The following LRRC40 variants were observed in gnomAD, a reference collection of about 807,000 sequenced individuals.
The protein encoded by LRRC40 is leucine-rich repeat-containing protein 40.
LRRC40 carries 76 observed loss-of-function variants against 72.8 expected under a neutral mutation model. The ratio of observed to expected loss-of-function variants is 1.04; its 90% confidence interval spans 0.87 to 1.26. The LOEUF (loss-of-function observed/expected upper bound fraction) is 1.26. LRRC40 is among the 50% of genes most tolerant of loss of function. LRRC40 has a pLI of 0.00. For synonymous variants in LRRC40, 243 were observed against 254.2 expected, an observed-to-expected ratio of 0.96 and a Z score of 0.42; for missense variants, 684 against 698.9, an observed-to-expected ratio of 0.98 and a Z score of 0.24.
intron 7 of LRRC40, 113 bp downstream of exon 7, chr1:70,175,697 T>C: frequency 2.8e-6 from 2 of 712,078 alleles, no homozygotes; most frequent in South Asian, 2.1e-5. Flanking sequence ...AATCAATATT[T>C]AGTGAATTCA....
intron 1 of LRRC40, among the ~76,000 whole-genome samples, chr1:70,191,979 A>C (rs1403947977): frequency 6.6e-6 from 1 of 152,106 alleles, no homozygotes; most frequent in African/African-American, 2.4e-5. Flanking sequence ...ATGAATTTTA[A>C]AATAGTTTTT....
rs183324511 is a variant in LRRC40, at chr1:70,148,591, C to A, written c.1599G>T (p.Val533=). 6.2e-7 allele frequency: 1 copy of A among 1,613,138 alleles called. No homozygotes were observed. The highest frequency in any genetic ancestry group is 2.2e-5 in the East Asian group (1 of 44,798). ...CCATCATCTTCATTTTCTGAGGGTC[C>A]ACAGATCCAACCTGATTATTACTAA... ...ILISNNQVGS[V]DPQKMKMMEN... is the part of the protein sequence containing the mutation. The change falls in exon 14 of 15, where the codon GTG becomes GTT. Residue 533 remains valine, a synonymous_variant. Coordinates refer to ENST00000370952, the MANE Select transcript of LRRC40 (RefSeq NM_017768.5).
intron 10 of LRRC40, among the ~76,000 whole-genome samples, chr1:70,156,165 T>C (rs1207624382): frequency 2.0e-5 from 3 of 152,144 alleles, no homozygotes; most frequent in African/African-American, 7.2e-5. Context: ...TGTTGCCCCA[T>C]CTTAAAAATC....
At chr1:70,160,017 C>T (rs540132671) in intron 9 of LRRC40, among the ~76,000 whole-genome samples, 4 of 152,196 alleles carry the variant, frequency 2.6e-5, no homozygotes, top group South Asian at 2.1e-4. Context: ...CACACATTCA[C>T]GCACCATCAA....
chr1:70,203,416 C>T (rs1668792133), intron 1 of LRRC40, among the ~76,000 whole-genome samples: 1 of 152,060 alleles, frequency 6.6e-6, no homozygotes, highest in South Asian at 2.1e-4. Context: ...TGTTTATGGA[C>T]AGGGTCTCAC....
rs931639366 is a variant in LRRC40 at position 70,190,516 on chromosome 1, T to TA, written c.152-1244dup. Among the ~76,000 whole-genome samples, 832 of 143,346 alleles carry TA rather than the reference T, an allele frequency of 5.8e-3. 9 individuals are homozygous for TA. Among genetic ancestry groups the TA allele is most frequent in the African/African-American group, 0.02 (771 of 38,912 alleles). 94.0% of individuals were successfully genotyped at this position (143,346 alleles called of 152,430 possible). On this transcript the variant is annotated intron_variant, in intron 1 of 14. Coordinates refer to ENST00000370952, the MANE Select transcript of LRRC40 (RefSeq NM_017768.5). The stretch of plus-strand genomic sequence containing the variant: ...GGCATCAAAGAAAAACCATATCTCT[T>TA]AAAAAAAAAAATCAGCTGGTGTGAT...
chr1:70,205,430 C>A lies in LRRC40; in HGVS notation c.111G>T (p.Lys37Asn). 1 of 1,603,566 alleles carries A rather than the reference C, an allele frequency of 6.2e-7. No individual in the cohort carries two copies. The highest frequency in any genetic ancestry group is 8.5e-7 in the Non-Finnish European group (1 of 1,171,806). Residue 37 changes from lysine to asparagine, a missense_variant, in exon 1 of 15, where the codon AAG (lysine) becomes AAT (asparagine). Physicochemically the swap from Lys to Asn is moderately conservative, Grantham distance 94. Transcript: ENST00000370952. Reference sequence around the variant, plus strand: ...TACCCGACAGGTTTAACTGGCCGCTCTTCCTCGCTGCCTTCAACAGCCCTT... The same window carrying A: ...TACCCGACAGGTTTAACTGGCCGCTATTCCTCGCTGCCTTCAACAGCCCTT... ...VPQGLLKAAR[K>N]SGQLNLSGRN...
Position 70,205,475 on chromosome 1 carries a change from GTC to G in LRRC40, c.64_65del (p.Asp22LeufsTer24). Reference protein sequence around the residue: ...LRAGFKAGGRDCGTSVPQGLL... With the variant: ...LRAGFKAGGRXCGTSVPQGLL... ...GCCCTTGGGGTACCGAGGTACCGCA[GTC>G]TCTTCCACCTGCTTTGAAACCAGCG... is the stretch of plus-strand genomic sequence containing the variant. On this transcript the variant is annotated frameshift_variant, in exon 1 of 15. Transcript: ENST00000370952. LOFTEE classifies it high-confidence loss of function. 6.2e-7 allele frequency: 1 copy of G among 1,610,414 alleles called. No homozygotes were observed. Among genetic ancestry groups the G allele is most frequent in the South Asian group, 1.1e-5 (1 of 90,874 alleles).
chr1:70,163,391 T>C (rs1558114824), intron 9 of LRRC40, among the ~76,000 whole-genome samples: 1 of 152,154 alleles, frequency 6.6e-6, no homozygotes, highest in Non-Finnish European at 1.5e-5. Flanking sequence ...CCAGCCTGCA[T>C]TCCTTTTTCT....
rs1480264224 is a variant in LRRC40 at position 70,152,495 on chromosome 1, A to AT, written c.1376dup (p.Asn459LysfsTer2). ...ACTCCAAGGATATAAAGGAAAGTTT[A>AT]TTAAAACTGAGATCGACATCAGAAA... On this transcript the variant is annotated frameshift_variant, in exon 12 of 15. Coordinates refer to ENST00000370952, the MANE Select transcript of LRRC40 (RefSeq NM_017768.5). LOFTEE classifies it high-confidence loss of function. The AT allele has an allele frequency of 6.2e-7, 1 of 1,608,956 alleles. No homozygotes were observed. Among genetic ancestry groups the AT allele is most frequent in the East Asian group, 2.2e-5 (1 of 44,690 alleles).
intron 1 of LRRC40, among the ~76,000 whole-genome samples, chr1:70,195,674 C>T (rs1558128958): frequency 6.6e-6 from 1 of 152,146 alleles, no homozygotes; most frequent in East Asian, 1.9e-4. Context: ...CACTTTCTCA[C>T]CCAAGCTGGA....
chr1:70,187,572 C>G (rs565652132), intron 2 of LRRC40, among the ~76,000 whole-genome samples: 2 of 152,112 alleles, frequency 1.3e-5, no homozygotes, highest in South Asian at 4.2e-4. Context: ...CACCTGTAAT[C>G]CCAGCACTTT....
chr1:70,165,263 T>C (rs1667857186), intron 9 of LRRC40, among the ~76,000 whole-genome samples: 1 of 152,218 alleles, frequency 6.6e-6, no homozygotes, highest in Non-Finnish European at 1.5e-5. Flanking sequence ...TAACAGTACA[T>C]TGCAGAAAGT....
At chr1:70,147,414 T>A (rs922975886) in intron 14 of LRRC40, among the ~76,000 whole-genome samples, 5 of 152,194 alleles carry the variant, frequency 3.3e-5, no homozygotes. Flanking sequence ...TCAGGTAAGC[T>A]TTGTTCAGGC....
intron 9 of LRRC40, among the ~76,000 whole-genome samples, chr1:70,169,643 G>T (rs937227348): frequency 1.3e-5 from 2 of 151,942 alleles, no homozygotes; most frequent in Non-Finnish European, 2.9e-5. Flanking sequence ...AAATGAAAAG[G>T]ATAAACTATG....
At position 70,195,517 on chromosome 1, in the gene LRRC40, G is replaced by A. The variant is rs148271546; in HGVS notation, c.152-6244C>T. On this transcript the variant is annotated intron_variant, in intron 1 of 14. Transcript: ENST00000370952. Reference sequence around the variant, plus strand: ...AAAAAATATGCCAACACAGCCACAAGAATAGTTAATATTTAAAAGACTGAA... The same window carrying A: ...AAAAAATATGCCAACACAGCCACAAAAATAGTTAATATTTAAAAGACTGAA... 7.2e-3 allele frequency among the ~76,000 whole-genome samples: 1,090 copies of A among 152,312 alleles called. 4 individuals are homozygous for A. The highest frequency in any genetic ancestry group is 0.011 in the Non-Finnish European group (725 of 68,022).
At chr1:70,148,415 G>A in intron 14 of LRRC40, 72 bp downstream of exon 14, 2 of 1,309,022 alleles carry the variant, frequency 1.5e-6, no homozygotes, top group Non-Finnish European at 1.0e-6. Flanking sequence ...AAATTTATCT[G>A]AAAAAGAAAA....
At chr1:70,195,034 C>T (rs1403748405) in intron 1 of LRRC40, among the ~76,000 whole-genome samples, 1 of 152,018 alleles carries the variant, frequency 6.6e-6, no homozygotes, top group African/African-American at 2.4e-5. Context: ...GAACCTCAAC[C>T]TTTACCTTGT....
At chr1:70,150,286 T>C (rs373328550) in intron 13 of LRRC40, among the ~76,000 whole-genome samples, 4 of 152,328 alleles carry the variant, frequency 2.6e-5, no homozygotes, top group East Asian at 1.9e-4. Context: ...TGTGACATAG[T>C]TGTTAAGAGC....
Sources: gnomAD v4.1 joint callset for allele counts (sites outside exome capture counted in the v4.1 genomes callset) on GRCh38, gnomAD v4.1.1 for gene constraint, MANE v1.5 for transcripts, NCBI Gene and HGNC (gene_info 2026-07-23, HGNC 2026-07-21) for gene names.